The following TNFSF4 variants were observed in gnomAD, a reference collection of about 807,000 sequenced individuals.
The protein encoded by TNFSF4 is tumor necrosis factor ligand superfamily member 4.
Under a neutral mutation model 7.3 loss-of-function variants are expected in TNFSF4, and 4 were observed. The observed-to-expected ratio is 0.55, with a 90% CI of 0.27 to 1.25. The LOEUF (loss-of-function observed/expected upper bound fraction) is 1.25. TNFSF4 is among the 50% of genes most tolerant of loss of function. The pLI is 0.12. For synonymous variants in TNFSF4, 76 were observed against 83.7 expected (o/e 0.91, Z 0.50); for missense variants, 181 against 208.8 (o/e 0.87, Z 0.82).
the TNFSF4 span, among the ~76,000 whole-genome samples, chr1:173,332,182 A>G: frequency 1.3e-5 from 2 of 152,332 alleles, no homozygotes; most frequent in Non-Finnish European, 2.9e-5. Flanking sequence ...AATCCTGAGC[A>G]GACGTTCACT....
At chr1:173,336,559 A>G in the TNFSF4 span, among the ~76,000 whole-genome samples, 1 of 152,180 alleles carries the variant, frequency 6.6e-6, no homozygotes, top group Admixed American at 6.6e-5. Context: ...ATACACCTTC[A>G]CTGTCTACCT....
At chr1:173,339,702 A>G in the TNFSF4 span, among the ~76,000 whole-genome samples, 1 of 152,222 alleles carries the variant, frequency 6.6e-6, no homozygotes, top group Non-Finnish European at 1.5e-5. Context: ...GAGAAGAATA[A>G]ACATCACACA....
At chr1:173,355,433 G>A in the TNFSF4 span, among the ~76,000 whole-genome samples, 8 of 152,252 alleles carry the variant, frequency 5.3e-5, no homozygotes, top group South Asian at 2.1e-4. Context: ...GAGAGAAGAC[G>A]TACAACAATA....
At chr1:173,431,511 C>T in the TNFSF4 span, among the ~76,000 whole-genome samples, 2 of 152,256 alleles carry the variant, frequency 1.3e-5, no homozygotes, top group Non-Finnish European at 2.9e-5. Context: ...CCTGCATTGG[C>T]TCTCAACTGC....
the TNFSF4 span, among the ~76,000 whole-genome samples, chr1:173,396,045 C>T: frequency 1.3e-5 from 2 of 152,164 alleles, no homozygotes; most frequent in South Asian, 4.1e-4. Flanking sequence ...CAGGACCCAC[C>T]CTCACCACCT....
At chr1:173,285,282 A>G in the TNFSF4 span, among the ~76,000 whole-genome samples, 1 of 152,192 alleles carries the variant, frequency 6.6e-6, no homozygotes, top group Non-Finnish European at 1.5e-5. Flanking sequence ...TTATATGCTA[A>G]AATTTGAATG....
chr1:173,427,984 G>C, the TNFSF4 span, among the ~76,000 whole-genome samples: 2 of 136,794 alleles, frequency 1.5e-5, no homozygotes, highest in East Asian at 4.2e-4. Context: ...ATAGAATCTT[G>C]CTTTGTTGCC....
chr1:173,296,185 T>C, the TNFSF4 span, among the ~76,000 whole-genome samples: 2 of 151,974 alleles, frequency 1.3e-5, no homozygotes, highest in Admixed American at 1.3e-4. Context: ...AAGTATGAGT[T>C]AGCCAAAGAG....
chr1:173,283,493 T>C, the TNFSF4 span, among the ~76,000 whole-genome samples: 1 of 152,172 alleles, frequency 6.6e-6, no homozygotes, highest in African/African-American at 2.4e-5. Context: ...TTTGGCAACC[T>C]CTTGGCTGCT....
At chr1:173,344,091 G>A in the TNFSF4 span, among the ~76,000 whole-genome samples, 1 of 152,136 alleles carries the variant, frequency 6.6e-6, no homozygotes, top group South Asian at 2.1e-4. Flanking sequence ...CCTTTATTGA[G>A]TTTTTCCTAA....
At chr1:173,291,811 G>A in the TNFSF4 span, among the ~76,000 whole-genome samples, 3 of 151,730 alleles carry the variant, frequency 2.0e-5, no homozygotes, top group Admixed American at 1.3e-4. Context: ...AATGACAAAG[G>A]TGACATTACA....
At chr1:173,364,225 G>GTATATATA in the TNFSF4 span, among the ~76,000 whole-genome samples, 69,502 of 143,076 alleles carry the variant, frequency 0.49, 17,023 homozygotes, top group Admixed American at 0.57. Context: ...AGAAGACTAG[G>GTATATATA]TATATATATA....
At chr1:173,339,823 A>C in the TNFSF4 span, among the ~76,000 whole-genome samples, 2 of 152,322 alleles carry the variant, frequency 1.3e-5, no homozygotes, top group Middle Eastern at 3.4e-3. Flanking sequence ...TTATTTGGAC[A>C]TTAAATATGT....
the TNFSF4 span, among the ~76,000 whole-genome samples, chr1:173,239,120 G>C: frequency 6.6e-6 from 1 of 152,260 alleles, no homozygotes; most frequent in South Asian, 2.1e-4. Context: ...TGGCACTCAA[G>C]AAATGCAACT....
At chr1:173,429,724 TTA>T in the TNFSF4 span, among the ~76,000 whole-genome samples, 629 of 152,322 alleles carry the variant, frequency 4.1e-3, 5 homozygotes, top group African/African-American at 0.014. Context: ...TTTAGTGGGT[TTA>T]GTTTTTAATT....
chr1:173,396,034 T>C, the TNFSF4 span, among the ~76,000 whole-genome samples: 1 of 152,110 alleles, frequency 6.6e-6, no homozygotes, highest in African/African-American at 2.4e-5. Flanking sequence ...CTGATTCACC[T>C]CAGGACCCAC....
At chr1:173,180,396 A>T (rs1649034892), downstream of TNFSF4, among the ~76,000 whole-genome samples, 1 of 152,190 alleles carries the variant, frequency 6.6e-6, no homozygotes, top group African/African-American at 2.4e-5. Context: ...GACACACAAT[A>T]CATACAGTAG....
the TNFSF4 span, among the ~76,000 whole-genome samples, chr1:173,301,185 C>A: frequency 1.3e-5 from 2 of 151,988 alleles, no homozygotes; most frequent in Admixed American, 1.3e-4. Flanking sequence ...AAGCTATTAT[C>A]TTTATACAGA....
the TNFSF4 span, among the ~76,000 whole-genome samples, chr1:173,327,668 A>C: frequency 6.6e-6 from 1 of 152,140 alleles, no homozygotes; most frequent in Non-Finnish European, 1.5e-5. Flanking sequence ...AAAAAAACAA[A>C]CAACCCCATC....
Sources: gnomAD v4.1 joint callset for allele counts (sites outside exome capture counted in the v4.1 genomes callset) on GRCh38, gnomAD v4.1.1 for gene constraint, MANE v1.5 for transcripts, NCBI Gene and HGNC (gene_info 2026-07-23, HGNC 2026-07-21) for gene names.